SHISA9: variants seen among roughly 807,000 people sequenced by gnomAD.
SHISA9 encodes the protein protein shisa-9.
Under a neutral mutation model 38.0 loss-of-function variants are expected in SHISA9, and 13 were observed. The ratio of observed to expected loss-of-function variants is 0.34; its 90% CI spans 0.22 to 0.54. The LOEUF is 0.54. Ranked by LOEUF, SHISA9 falls within the 20% of genes least tolerant of loss-of-function variation. The pLI is 0.91. For synonymous variants in SHISA9, 275 were observed against 242.0 expected, an observed-to-expected ratio of 1.14 and a Z score of -1.27; for missense variants, 538 against 575.8, an observed-to-expected ratio of 0.93 and a Z score of 0.67.
intron 2 of SHISA9, among the ~76,000 whole-genome samples, chr16:13,127,117 A>G (rs2050266033): frequency 7.0e-6 from 1 of 142,736 alleles, no homozygotes; most frequent in Non-Finnish European, 1.5e-5. Context: ...GACTGAGGGA[A>G]CAGAGAGAGG....
At chr16:13,273,121 C>T in the SHISA9 span, among the ~76,000 whole-genome samples, 3 of 152,132 alleles carry the variant, frequency 2.0e-5, no homozygotes, top group Admixed American at 6.6e-5. Context: ...AGCTGTGAAC[C>T]TCCACATGGG....
chr16:13,439,296 C>G, the SHISA9 span, among the ~76,000 whole-genome samples: 1 of 152,184 alleles, frequency 6.6e-6, no homozygotes, highest in Admixed American at 6.5e-5. Flanking sequence ...TTCCCAGTCT[C>G]TAAGGTACAG....
the SHISA9 span, among the ~76,000 whole-genome samples, chr16:13,409,525 G>A: frequency 6.6e-6 from 1 of 152,230 alleles, no homozygotes; most frequent in Admixed American, 6.5e-5. Context: ...TTTGAGCAGT[G>A]GTGGTGACCC....
chr16:13,220,268 G>C (rs986147591), intron 4 of SHISA9, among the ~76,000 whole-genome samples: 1 of 152,124 alleles, frequency 6.6e-6, no homozygotes, highest in Non-Finnish European at 1.5e-5. Context: ...GGAATGACTT[G>C]GGTGACTTGA....
chr16:13,547,973 A>C, the SHISA9 span, among the ~76,000 whole-genome samples: 1 of 152,216 alleles, frequency 6.6e-6, no homozygotes, highest in African/African-American at 2.4e-5. Flanking sequence ...ATACATTACA[A>C]GTCTATAATA....
chr16:13,265,884 G>A, the SHISA9 span, among the ~76,000 whole-genome samples: 5 of 152,026 alleles, frequency 3.3e-5, no homozygotes, highest in African/African-American at 1.2e-4. Flanking sequence ...AACATCCCAA[G>A]TGTTCTGGGT....
chr16:13,350,261 T>C, the SHISA9 span: 2 of 152,330 alleles, frequency 1.3e-5, no homozygotes, highest in Non-Finnish European at 2.9e-5. Flanking sequence ...CTTGCACTAG[T>C]GGCCCCCTGG....
chr16:13,032,479 G>T (rs1044346067), intron 2 of SHISA9, among the ~76,000 whole-genome samples: 1 of 152,078 alleles, frequency 6.6e-6, no homozygotes, highest in African/African-American at 2.4e-5. Flanking sequence ...AAAAAAATGT[G>T]TCACTGATGA....
At chr16:13,047,190 A>G (rs762945271) in intron 2 of SHISA9, among the ~76,000 whole-genome samples, 15 of 152,076 alleles carry the variant, frequency 9.9e-5, no homozygotes, top group Non-Finnish European at 2.1e-4. Context: ...AGTGTTTTGA[A>G]AATTCCCACT....
intron 2 of SHISA9, among the ~76,000 whole-genome samples, chr16:12,989,264 G>A (rs547825993): frequency 6.6e-6 from 1 of 152,080 alleles, no homozygotes; most frequent in African/African-American, 2.4e-5. Context: ...CCTGACCTCT[G>A]CCTGCCGGGT....
chr16:12,914,265 C>T (rs1247422814), intron 1 of SHISA9, among the ~76,000 whole-genome samples: 5 of 151,956 alleles, frequency 3.3e-5, no homozygotes, highest in South Asian at 2.1e-4. Context: ...GGGCTGGTCT[C>T]GAACTCCTGA....
At chr16:13,289,062 G>A in the SHISA9 span, among the ~76,000 whole-genome samples, 16 of 152,104 alleles carry the variant, frequency 1.1e-4, no homozygotes, top group Non-Finnish European at 2.9e-5. Context: ...GAGAGTGAGT[G>A]GTAAATAGGG....
the SHISA9 span, among the ~76,000 whole-genome samples, chr16:13,327,020 C>T: frequency 8.1e-4 from 123 of 152,304 alleles, no homozygotes; most frequent in African/African-American, 2.8e-3. Context: ...CAATAATGTA[C>T]ACAGTTTAGG....
chr16:13,337,776 T>C, the SHISA9 span, among the ~76,000 whole-genome samples: 1 of 152,138 alleles, frequency 6.6e-6, no homozygotes, highest in Non-Finnish European at 1.5e-5. Context: ...CCTGCTGTTC[T>C]TATGACAGTG....
chr16:13,383,164 A>G, the SHISA9 span, among the ~76,000 whole-genome samples: 4 of 152,226 alleles, frequency 2.6e-5, no homozygotes, highest in Non-Finnish European at 5.9e-5. Context: ...AAAAGTAGAA[A>G]GAAGGTGGTG....
At chr16:13,136,243 A>G (rs998077451) in intron 2 of SHISA9, among the ~76,000 whole-genome samples, 1 of 152,084 alleles carries the variant, frequency 6.6e-6, no homozygotes, top group Non-Finnish European at 1.5e-5. Context: ...CTTATAGGGC[A>G]ATATTTACCC....
intron 2 of SHISA9, among the ~76,000 whole-genome samples, chr16:13,060,802 C>T (rs2073366420): frequency 6.6e-6 from 1 of 152,160 alleles, no homozygotes; most frequent in Non-Finnish European, 1.5e-5. Context: ...CTGGGTAGGG[C>T]AGAGCCAAGG....
intron 2 of SHISA9, among the ~76,000 whole-genome samples, chr16:13,078,755 G>A (rs535133060): frequency 1.3e-5 from 2 of 152,268 alleles, no homozygotes; most frequent in African/African-American, 4.8e-5. Context: ...TGGATAAGGA[G>A]GGCTGATACA....
chr16:12,902,438 C>A lies in SHISA9; in HGVS notation c.374C>A (p.Thr125Lys). Residue 125 changes from threonine to lysine, a missense_variant, in exon 1 of 5, where the codon ACG (threonine) becomes AAG (lysine). Transcript: ENST00000558583. The part of the protein sequence containing the change: ...LNQSTCTNYD[T>K]PLWLNTGKPP... ...CAAAGCACCTGCACCAACTACGACA[C>A]GCCGCTCTGGCTCAACACCGGCAAG... 6.4e-7 allele frequency: 1 copy of A among 1,551,382 alleles called. No individual in the cohort carries two copies. The highest frequency in any genetic ancestry group is 8.7e-7 in the Non-Finnish European group (1 of 1,146,992).
Sources: allele counts gnomAD v4.1 joint callset (sites outside exome capture counted in the v4.1 genomes callset), GRCh38; gene constraint gnomAD v4.1.1; transcripts MANE v1.5; gene names NCBI Gene and HGNC (gene_info 2026-07-23, HGNC 2026-07-21).